NTRK2: variants seen among roughly 807,000 people sequenced by gnomAD.
The protein encoded by NTRK2 is BDNF/NT-3 growth factors receptor.
Under a neutral mutation model 94.5 loss-of-function variants are expected in NTRK2, and 13 were observed. That is an observed-to-expected ratio of 0.14 (90% confidence interval 0.09 to 0.22). NTRK2 has a LOEUF of 0.22. NTRK2 is among the 10% of genes least tolerant of loss of function. NTRK2 has a pLI of 1.00. For missense variants in NTRK2, 639 were observed against 1,071.2 expected (o/e 0.60, Z 5.63); for synonymous variants, 372 against 407.4 (o/e 0.91, Z 1.05).
intron 14 of NTRK2, among the ~76,000 whole-genome samples, chr9:84,923,329 C>T (rs978970251): frequency 6.6e-6 from 1 of 152,196 alleles, no homozygotes; most frequent in Non-Finnish European, 1.5e-5. Context: ...GAACACTTTG[C>T]TTGTCACTGT....
At chr9:84,820,169 CTTTT>C (rs902886137) in intron 12 of NTRK2, among the ~76,000 whole-genome samples, 3 of 132,520 alleles carry the variant, frequency 2.3e-5, no homozygotes, top group Non-Finnish European at 1.6e-5. Context: ...TTCTTTCTTT[CTTTT>C]TTTTTTTTTT....
intron 9 of NTRK2, among the ~76,000 whole-genome samples, chr9:84,731,622 A>C (rs1231529120): frequency 6.6e-6 from 1 of 152,188 alleles, no homozygotes; most frequent in Non-Finnish European, 1.5e-5. Flanking sequence ...ATGTAATGAC[A>C]GTCCTCATAA....
chr9:84,961,230 T>A (rs917557843), intron 17 of NTRK2, among the ~76,000 whole-genome samples: 1 of 152,220 alleles, frequency 6.6e-6, no homozygotes, highest in African/African-American at 2.4e-5. Flanking sequence ...GTCCTCTGTG[T>A]CATTAACTCT....
chr9:84,794,452 G>A (rs1899641), intron 12 of NTRK2, among the ~76,000 whole-genome samples: 111,781 of 152,102 alleles, frequency 0.73, 41,290 homozygotes, highest in East Asian at 0.87. Flanking sequence ...AAAAACCCCA[G>A]TGTAATGCAA....
chr9:84,772,022 G>A (rs1418978169), intron 12 of NTRK2, among the ~76,000 whole-genome samples: 1 of 152,128 alleles, frequency 6.6e-6, no homozygotes, highest in Non-Finnish European at 1.5e-5. Flanking sequence ...GCTTTCCTAT[G>A]TTCTTCTTCT....
At chr9:85,008,526 G>A (rs1831216183) in intron 17 of NTRK2, among the ~76,000 whole-genome samples, 1 of 152,204 alleles carries the variant, frequency 6.6e-6, no homozygotes, top group Non-Finnish European at 1.5e-5. Context: ...ATCACATGTG[G>A]ATTGGTTGCT....
Position 84,670,791 on chromosome 9 carries a change from C to A in NTRK2, c.43C>A (p.Leu15Ile). 1 of 1,614,044 alleles carries A rather than the reference C, an allele frequency of 6.2e-7. No individual in the cohort carries two copies. Among genetic ancestry groups the A allele is most frequent in the African/African-American group, 1.3e-5 (1 of 75,060 alleles). The part of the protein sequence containing the change: ...IRWHGPAMAR[L>I]WGFCWLVVGF... ...GTGGCATGGACCCGCCATGGCGCGG[C>A]TCTGGGGCTTCTGCTGGCTGGTTGT... Residue 15 changes from leucine (L) to isoleucine (I), a missense_variant, in exon 2 of 19, where the codon CTC becomes ATC. Around this residue, in one of 5 missense-constraint regions of NTRK2, gnomAD observed 206 missense variants for 251.5 expected, o/e 0.82. Coordinates refer to ENST00000277120, the MANE Select transcript of NTRK2 (RefSeq NM_006180.6).
chr9:84,802,967 T>C (rs955012229), intron 12 of NTRK2, among the ~76,000 whole-genome samples: 2 of 152,156 alleles, frequency 1.3e-5, no homozygotes, highest in Non-Finnish European at 2.9e-5. Flanking sequence ...ACACGATCAC[T>C]GGGGTTTAAG....
intron 11 of NTRK2, among the ~76,000 whole-genome samples, chr9:84,751,380 C>T (rs2064592739): frequency 1.3e-5 from 2 of 152,128 alleles, no homozygotes; most frequent in Middle Eastern, 3.2e-3. Flanking sequence ...GGGATTTCAA[C>T]ACCAGCCTGG....
At chr9:84,937,775 G>A (rs757250824) in intron 15 of NTRK2, among the ~76,000 whole-genome samples, 9 of 152,174 alleles carry the variant, frequency 5.9e-5, no homozygotes, top group Non-Finnish European at 7.3e-5. Context: ...CCAAGGAAAC[G>A]CTTCATCGCA....
chr9:84,738,770 T>C (rs1564161372), intron 9 of NTRK2, among the ~76,000 whole-genome samples: 1 of 152,216 alleles, frequency 6.6e-6, no homozygotes, highest in Admixed American at 6.5e-5. Context: ...TAGTGCAGTA[T>C]GCTTGGGAGA....
rs184141251 is a variant in NTRK2 at position 84,958,658 on chromosome 9, T to C, written c.2172+3141T>C. 2.3e-4 allele frequency among the ~76,000 whole-genome samples: 35 copies of C among 152,290 alleles called. No homozygotes were observed. In the East Asian group the frequency reaches 5.8e-3, roughly 25 times the overall value. ...AGAACCAGCCTTGCAATGGCCTCTG[T>C]TGCAGATGGGAATGGGCAAGACTGG... On this transcript the variant is annotated intron_variant, in intron 17 of 18. Coordinates refer to ENST00000277120, the MANE Select transcript of NTRK2 (RefSeq NM_006180.6).
intron 12 of NTRK2, among the ~76,000 whole-genome samples, chr9:84,778,033 G>A (rs1028415821): frequency 2.0e-5 from 3 of 152,106 alleles, no homozygotes; most frequent in Non-Finnish European, 2.9e-5. Flanking sequence ...AGGCAGAAGC[G>A]GGTGGACTGC....
At chr9:84,711,621 A>G (rs2061422553) in intron 6 of NTRK2, among the ~76,000 whole-genome samples, 1 of 152,244 alleles carries the variant, frequency 6.6e-6, no homozygotes, top group Admixed American at 6.5e-5. Context: ...GACACAGCAG[A>G]AAGCCATGTA....
chr9:84,807,182 T>G (rs774008172), intron 12 of NTRK2, among the ~76,000 whole-genome samples: 48 of 152,382 alleles, frequency 3.1e-4, no homozygotes, highest in Admixed American at 5.2e-4. Flanking sequence ...CCTTGCCATT[T>G]TATGGCTGAT....
chr9:84,814,340 A>G, intron 12 of NTRK2: 1 of 1,065,548 alleles, frequency 9.4e-7, no homozygotes, highest in Non-Finnish European at 1.1e-6. Flanking sequence ...AGCTGAAGAC[A>G]GAAAACCAGT....
chr9:84,944,126 G>C (rs2078506808), intron 15 of NTRK2, among the ~76,000 whole-genome samples: 1 of 151,330 alleles, frequency 6.6e-6, no homozygotes, highest in African/African-American at 2.4e-5. Context: ...ATTTTGCTTT[G>C]GGGACATGGA....
At chr9:84,896,600 A>T (rs17087834) in intron 14 of NTRK2, among the ~76,000 whole-genome samples, 16,765 of 152,260 alleles carry the variant, frequency 0.11, 1,401 homozygotes, top group African/African-American at 0.22. Context: ...TGGAACTGGC[A>T]GAGTGTAAGT....
chr9:84,797,620 CTATATATTATATAT>C (rs71499837), intron 12 of NTRK2, among the ~76,000 whole-genome samples: 5 of 63,226 alleles, frequency 7.9e-5, no homozygotes, highest in Non-Finnish European at 1.1e-4. Context: ...AATATATATA[CTATATATTATATAT>C]TATATATACT....
Sources: allele counts gnomAD v4.1 joint callset (sites outside exome capture counted in the v4.1 genomes callset), GRCh38; gene constraint gnomAD v4.1.1; regional missense constraint gnomAD v4.1.1; transcripts MANE v1.5; gene names NCBI Gene and HGNC (gene_info 2026-07-23, HGNC 2026-07-21).